Variants in ZFHX2 observed in about 807,000 individuals in gnomAD.
ZFHX2 encodes the protein zinc finger homeobox protein 2.
ZFHX2 carries 75 observed loss-of-function variants against 164.8 expected under a neutral mutation model. That is an observed-to-expected ratio of 0.46 (90% CI 0.38 to 0.55). The LOEUF (loss-of-function observed/expected upper bound fraction) is 0.55. Among genes scored for constraint, ZFHX2 ranks in the 20% least tolerant of loss-of-function variants. The pLI, the probability that ZFHX2 is intolerant of heterozygous loss-of-function variation, is 0.00. For missense variants in ZFHX2, 2,933 were observed against 3,308.0 expected (o/e 0.89, Z 2.78); for synonymous variants, 1,217 against 1,351.4 (o/e 0.90, Z 2.18).
At chr14:23,550,673 A>C (rs1881856249) in intron 1 of ZFHX2, among the ~76,000 whole-genome samples, 1 of 152,154 alleles carries the variant, frequency 6.6e-6, no homozygotes, top group African/African-American at 2.4e-5. Flanking sequence ...AGACGAGCGG[A>C]TGGGGGTGGT....
intron 1 of ZFHX2, chr14:23,544,298 A>G (rs1388609483): frequency 6.6e-6 from 1 of 152,012 alleles, no homozygotes; most frequent in African/African-American, 2.4e-5. Flanking sequence ...AAAAAAAAAA[A>G]AAGGGAATGG....
upstream of ZFHX2, among the ~76,000 whole-genome samples, chr14:23,553,202 G>A (rs994538927): frequency 2.0e-5 from 3 of 152,068 alleles, no homozygotes; most frequent in African/African-American, 7.2e-5. Context: ...AAGTTCACAT[G>A]ACAAAAAGGA....
Position 23,524,390 on chromosome 14 carries a change from TCCCCTCCTC to T in ZFHX2, c.5543_5551del (p.Gly1848_Gly1850del), listed in dbSNP as rs1260471014. 9 of 1,536,118 alleles carry T rather than the reference TCCCCTCCTC, an allele frequency of 5.9e-6. No homozygotes were observed. Among genetic ancestry groups the T allele is most frequent in the Non-Finnish European group, 7.8e-6 (9 of 1,146,894 alleles). ...GCGCTTGTCCCTGGGGGGCTCGCCCTCCCCTCCTCCCCCTGCTTCACTGCCTGTGGGAGA... is the reference window on the plus strand; with the variant it reads ...GCGCTTGTCCCTGGGGGGCTCGCCCTCCCCTGCTTCACTGCCTGTGGGAGA... On this transcript the variant is annotated inframe_deletion, in exon 9 of 10. Transcript: ENST00000419474. This position sits in a 1 kb window ranked among gnomAD's most constrained non-coding sequence, Gnocchi z 5.6.
chr14:23,538,402 T>G (rs925361195), intron 1 of ZFHX2, among the ~76,000 whole-genome samples: 1 of 151,790 alleles, frequency 6.6e-6, no homozygotes, highest in Non-Finnish European at 1.5e-5. Flanking sequence ...GCAGCGATTA[T>G]TTTTTTGCTT....
chr14:23,529,772 A>G lies in ZFHX2; in HGVS notation c.2876-4T>C. 6.5e-7 allele frequency: 1 copy of G among 1,536,272 alleles called. No homozygotes were observed. The highest frequency in any genetic ancestry group is 8.7e-7 in the Non-Finnish European group (1 of 1,146,836). ...TTGTTTTCTGTCTCTTCTGAAGCTG[A>G]GGATGAAAGAAGAGGAGATTAAGGA... On this transcript the variant is annotated splice_region_variant and splice_polypyrimidine_tract_variant and intron_variant, in intron 5 of 9. Coordinates refer to ENST00000419474, the MANE Select transcript of ZFHX2 (RefSeq NM_033400.3).
chr14:23,549,297 GT>G (rs1202741925), intron 1 of ZFHX2, among the ~76,000 whole-genome samples: 3 of 151,866 alleles, frequency 2.0e-5, no homozygotes, highest in East Asian at 1.9e-4. Flanking sequence ...TCTACCCCAT[GT>G]GTTTATTGCA....
At chr14:23,543,495 G>C (rs1881046546) in intron 1 of ZFHX2, 1 of 152,304 alleles carries the variant, frequency 6.6e-6, no homozygotes, top group East Asian at 1.9e-4. Context: ...GTGCTATCAT[G>C]TTCCGCCTGA....
At position 23,531,585 on chromosome 14, in the gene ZFHX2, G is replaced by A. The variant is rs775203367; in HGVS notation, c.2696C>T (p.Ala899Val). 43 of 1,527,260 alleles carry A rather than the reference G, an allele frequency of 2.8e-5. No homozygotes were observed. Among genetic ancestry groups the A allele is most frequent in the Non-Finnish European group, 3.8e-5 (43 of 1,141,780 alleles). 94.6% of individuals were successfully genotyped at this position (1,527,260 alleles called of 1,614,324 possible). A position where few individuals can be genotyped will look rare whatever the true frequency, so the allele number is the denominator to read the frequency against. Reference protein sequence around the residue: ...LRTPAHRDAQAQRRLQLLQNG... With the variant: ...LRTPAHRDAQVQRRLQLLQNG... ...CTGTAGCAGCTGCAGACGCCTCTGGGCCTGGGCATCGCGGTGGGCAGGTGT... is the reference window on the plus strand; with the variant it reads ...CTGTAGCAGCTGCAGACGCCTCTGGACCTGGGCATCGCGGTGGGCAGGTGT... The change falls in exon 4 of 10, where the codon GCC (alanine) becomes GTC (valine). Residue 899 changes from alanine to valine, a missense_variant. Coordinates refer to ENST00000419474, the MANE Select transcript of ZFHX2 (RefSeq NM_033400.3).
intron 4 of ZFHX2, chr14:23,530,718 C>T (rs1446925034): frequency 1.9e-5 from 6 of 311,006 alleles, no homozygotes; most frequent in East Asian, 9.6e-5. Context: ...TTCAGCCCTG[C>T]GCCAGGATCG....
chr14:23,525,121 G>A lies in ZFHX2; in HGVS notation c.4821C>T (p.Thr1607=), dbSNP rs979609553. 13 of 1,536,038 alleles carry A rather than the reference G, an allele frequency of 8.5e-6. No individual in the cohort carries two copies. In the African/African-American group the frequency reaches 1.4e-4, roughly 16 times the overall value. ...TCTCAAAGAAAGACTGCAGGGCTTG[G>A]GTCTGGAACTCTGTGAACTTGGTTC... ...FSRTKFTEFQ[T]QALQSFFETS... The change falls in exon 9 of 10, where the codon ACC becomes ACT. Residue 1607 remains threonine, a synonymous_variant. Transcript: ENST00000419474. This position sits in a 1 kb window ranked among gnomAD's most constrained non-coding sequence, Gnocchi z 5.9.
rs1879341104 is a variant in ZFHX2 at position 23,530,137 on chromosome 14, T to C, written c.2858A>G (p.Asn953Ser). The C allele has an allele frequency of 6.5e-7, 1 of 1,535,918 alleles. No homozygotes were observed. The highest frequency in any genetic ancestry group is 2.0e-5 in the Admixed American group (1 of 50,968). The change falls in exon 5 of 10, where the codon AAC (asparagine) becomes AGC (serine). Residue 953 changes from asparagine to serine, a missense_variant. Transcript: ENST00000419474. ...EPPTPEKDAQ[N>S]KTEQLASEET... ...AAACTCACCCAATTGTTCTGTCTTG[T>C]TCTGGGCATCTTTCTCAGGGGTGGG...
rs566421682 is a variant in ZFHX2 at position 23,538,757 on chromosome 14, G to A, written c.-49-3383C>T. ...GGAGGAAGAGGGTGGATCTGGTGTA[G>A]GGTGGAGGTTGGGGACGGTCAGGGA... On this transcript the variant is annotated intron_variant, in intron 1 of 9. Transcript: ENST00000419474. Among the ~76,000 whole-genome samples, 17 of 152,262 alleles carry A rather than the reference G, an allele frequency of 1.1e-4. 1 individual carries two copies. The East Asian group carries it at 3.1e-3, about 28-fold the overall frequency.
upstream of ZFHX2, among the ~76,000 whole-genome samples, chr14:23,554,714 CCTT>C (rs989882275): frequency 1.1e-4 from 16 of 152,170 alleles, 1 homozygote; most frequent in African/African-American, 3.9e-4. Flanking sequence ...AAACCAGTGT[CCTT>C]CTCCCTATAA....
At position 23,526,935 on chromosome 14, in the gene ZFHX2, CAGCACTTTGGTT is replaced by C; in HGVS notation, c.3162_3173del (p.Thr1055_Leu1058del). 6.5e-7 allele frequency: 1 copy of C among 1,531,100 alleles called. No homozygotes were observed. The highest frequency in any genetic ancestry group is 8.7e-7 in the Non-Finnish European group (1 of 1,145,108). 94.8% of individuals were successfully genotyped at this position (1,531,100 alleles called of 1,614,324 possible). On this transcript the variant is annotated inframe_deletion, in exon 8 of 10. Transcript: ENST00000419474. ...CCAGAGGGCTTAATGTGGGTGCAGA[CAGCACTTTGGTT>C]GTAAATGTCATTTCTACAGTTGTAG...
chr14:23,552,035 T>C (rs1046198657), upstream of ZFHX2, among the ~76,000 whole-genome samples: 1 of 152,186 alleles, frequency 6.6e-6, no homozygotes, highest in Non-Finnish European at 1.5e-5. Context: ...TGTTTTGTTT[T>C]AAATCAGCTT....
rs1879897919 is a variant in ZFHX2 at position 23,534,144 on chromosome 14, G to A, written c.1182C>T (p.Pro394=). Residue 394 remains proline (P), a synonymous_variant, in exon 2 of 10, where the codon CCC becomes CCT. Coordinates refer to ENST00000419474, the MANE Select transcript of ZFHX2 (RefSeq NM_033400.3). This position sits in a 1 kb window ranked among gnomAD's most constrained non-coding sequence, Gnocchi z 4.5. ...GLCPPLNQSS[P]TSKEGGTLPA... is the part of the protein sequence containing the mutation. ...GGAGAGTGCCCCCCTCCTTGGAGGT[G>A]GGTGAGCTTTGGTTGAGTGGGGGGC... 2.7e-6 allele frequency: 4 copies of A among 1,474,340 alleles called. No homozygotes were observed. The highest frequency in any genetic ancestry group is 3.6e-6 in the Non-Finnish European group (4 of 1,116,554). The allele number at this position is 1,474,340 out of a possible 1,614,324, so 91.3% of individuals were successfully genotyped here.
rs1595127650 is a variant in ZFHX2 at position 23,521,745 on chromosome 14, G to A, written c.*217C>T. ...AGGGCTACATCTGCAAGGAGCTGAGGAGGAGGATCAATGTGTGTGTCTGTG... is the reference window on the plus strand; with the variant it reads ...AGGGCTACATCTGCAAGGAGCTGAGAAGGAGGATCAATGTGTGTGTCTGTG... On this transcript the variant is annotated 3_prime_UTR_variant, in exon 10 of 10. Transcript: ENST00000419474. The A allele has an allele frequency of 1.0e-5, 8 of 776,670 alleles. No individual in the cohort carries two copies. The South Asian group carries it at 1.6e-4, about 15-fold the overall frequency. The allele number at this position is 776,670 out of a possible 1,614,324, so 48.1% of individuals were successfully genotyped here. A position where few individuals can be genotyped will look rare whatever the true frequency, so the allele number is the denominator to read the frequency against.
chr14:23,527,031 T>C (rs780551658), intron 7 of ZFHX2, 58 bp from the exon 8 acceptor site: 3 of 1,450,068 alleles, frequency 2.1e-6, no homozygotes, highest in Non-Finnish European at 1.8e-6. Context: ...CCTATGCCAC[T>C]CCTGACCCAT....
chr14:23,531,011 G>A (rs1435277366), intron 4 of ZFHX2: 1 of 159,178 alleles, frequency 6.3e-6, no homozygotes, highest in Non-Finnish European at 1.4e-5. Context: ...CCTTAGGGCT[G>A]AAGACCTCCT....
Sources: allele counts gnomAD v4.1 joint callset (sites outside exome capture counted in the v4.1 genomes callset), GRCh38; gene constraint gnomAD v4.1.1; non-coding constraint Gnocchi (gnomAD v3.1); transcripts MANE v1.5; gene names NCBI Gene and HGNC (gene_info 2026-07-23, HGNC 2026-07-21).